ADCY9: variants seen among roughly 807,000 people sequenced by gnomAD.
ADCY9 encodes adenylate cyclase type 9.
A neutral mutation model predicts 101.5 loss-of-function variants in ADCY9; 50 were observed. That is an observed-to-expected ratio of 0.49 (90% CI 0.39 to 0.62). The LOEUF is 0.62. ADCY9 is among the 20% of genes least tolerant of loss of function. ADCY9 has a pLI of 0.00. For synonymous variants in ADCY9, 905 were observed against 769.3 expected (o/e 1.18, Z -2.92); for missense variants, 1,662 against 1,800.4 (o/e 0.92, Z 1.39).
chr16:3,973,789 G>C (rs953782557), intron 10 of ADCY9, among the ~76,000 whole-genome samples: 1 of 151,976 alleles, frequency 6.6e-6, no homozygotes, highest in Admixed American at 6.6e-5. Flanking sequence ...CACCGAGCCC[G>C]GTCCTTTTCT....
rs2055980774 is a variant in ADCY9, at chr16:3,965,405, A to G, written c.*370T>C. 7.7e-6 allele frequency: 2 copies of G among 259,474 alleles called. No homozygotes were observed. The highest frequency in any genetic ancestry group is 4.5e-5 in the African/African-American group (2 of 44,886). 16.1% of individuals were successfully genotyped at this position (259,474 alleles called of 1,614,324 possible). ...TAGTGTCTCGTGGGACGTGGGAAAA[A>G]GCAATAAAAATGAGATCTTAACCAC... On this transcript the variant is annotated 3_prime_UTR_variant, in exon 11 of 11. Transcript: ENST00000294016.
chr16:3,977,607 G>T lies in ADCY9; in HGVS notation c.2703C>A (p.Ala901=), dbSNP rs374557206. ...AGTAGTGCACGACGGCAATCAGCGCGGCCGAGCCTGTGAACACTGGGAACT... is the reference window on the plus strand; with the variant it reads ...AGTAGTGCACGACGGCAATCAGCGCTGCCGAGCCTGTGAACACTGGGAACT... ...NIHFPVFTGS[A]ALIAVVHYCN... Residue 901 remains alanine, a synonymous_variant, in exon 9 of 11, where the codon GCC becomes GCA. Coordinates refer to ENST00000294016, the MANE Select transcript of ADCY9 (RefSeq NM_001116.4). 1.8e-5 allele frequency: 29 copies of T among 1,612,440 alleles called. No homozygotes were observed. The highest frequency in any genetic ancestry group is 2.4e-5 in the Non-Finnish European group (28 of 1,179,728).
chr16:3,971,202 C>A (rs1452714753), intron 10 of ADCY9, among the ~76,000 whole-genome samples: 1 of 152,082 alleles, frequency 6.6e-6, no homozygotes, highest in East Asian at 1.9e-4. Context: ...CAGCATGTTA[C>A]AAGTGTTGTC....
rs534423411 is a variant in ADCY9 at position 4,112,865 on chromosome 16, G to A, written c.1693+885C>T. Among the ~76,000 whole-genome samples the A allele has an allele frequency of 4.8e-4, 73 of 151,984 alleles. 2 individuals carry two copies. Among genetic ancestry groups the A allele is most frequent in the South Asian group, 4.2e-4 (2 of 4,810 alleles). On this transcript the variant is annotated intron_variant, in intron 2 of 10. Coordinates refer to ENST00000294016, the MANE Select transcript of ADCY9 (RefSeq NM_001116.4). ...AGATTACTTAAAATCTTTCTTTTTC[G>A]TCCTACTTATTTTAATATCATTTTC...
intron 2 of ADCY9, among the ~76,000 whole-genome samples, chr16:4,008,927 C>T (rs533529225): frequency 7.9e-5 from 12 of 152,116 alleles, no homozygotes; most frequent in African/African-American, 1.2e-4. Context: ...CATCGAGAGG[C>T]GACGTGTCTA....
chr16:4,108,056 C>T (rs1397164523), intron 2 of ADCY9, among the ~76,000 whole-genome samples: 1 of 152,162 alleles, frequency 6.6e-6, no homozygotes, highest in African/African-American at 2.4e-5. Flanking sequence ...GTGATCACTC[C>T]CTGGTATTCC....
chr16:4,052,368 GA>G (rs2056707226), intron 2 of ADCY9, among the ~76,000 whole-genome samples: 1 of 152,126 alleles, frequency 6.6e-6, no homozygotes, highest in African/African-American at 2.4e-5. Context: ...GGCTATCCGG[GA>G]CAGCGTCCTT....
At chr16:4,049,976 A>G (rs988896157) in intron 2 of ADCY9, among the ~76,000 whole-genome samples, 2 of 151,098 alleles carry the variant, frequency 1.3e-5, no homozygotes, top group Non-Finnish European at 3.0e-5. Context: ...GGCTGCAGTG[A>G]GCCGAGATCA....
intron 5 of ADCY9, among the ~76,000 whole-genome samples, chr16:3,954,934 G>C (rs905920236): frequency 1.3e-5 from 2 of 152,112 alleles, no homozygotes; most frequent in African/African-American, 2.4e-5. Flanking sequence ...TAGCGTACTA[G>C]AACATGCTAG....
At chr16:4,081,525 G>A (rs757007926) in intron 2 of ADCY9, among the ~76,000 whole-genome samples, 7 of 152,234 alleles carry the variant, frequency 4.6e-5, no homozygotes, top group Admixed American at 2.0e-4. Context: ...GACTATTAAA[G>A]AAATAAATCT....
At chr16:4,085,023 G>A (rs2056928659) in intron 2 of ADCY9, among the ~76,000 whole-genome samples, 1 of 152,110 alleles carries the variant, frequency 6.6e-6, no homozygotes, top group Non-Finnish European at 1.5e-5. Context: ...GGTATAAACA[G>A]TGCTGAGTGG....
chr16:4,044,760 G>C (rs1597187959), intron 2 of ADCY9, among the ~76,000 whole-genome samples: 2 of 152,142 alleles, frequency 1.3e-5, no homozygotes, highest in South Asian at 2.1e-4. Flanking sequence ...TCTACATGTA[G>C]AGCCTGCATC....
intron 2 of ADCY9, among the ~76,000 whole-genome samples, chr16:4,112,262 A>G (rs1390532988): frequency 6.6e-6 from 1 of 152,236 alleles, no homozygotes; most frequent in Non-Finnish European, 1.5e-5. Flanking sequence ...AAGTGAACAG[A>G]AAGTGTAGTT....
intron 2 of ADCY9, among the ~76,000 whole-genome samples, chr16:4,027,877 CAAA>C (rs1230088772): frequency 1.1e-5 from 1 of 94,550 alleles, no homozygotes; most frequent in Non-Finnish European, 2.3e-5. Flanking sequence ...AATTCCGTTT[CAAA>C]AAAAAAAAAA....
chr16:4,082,434 A>G (rs1286199294), intron 2 of ADCY9, among the ~76,000 whole-genome samples: 1 of 152,152 alleles, frequency 6.6e-6, no homozygotes, highest in African/African-American at 2.4e-5. Flanking sequence ...CCACTAATGC[A>G]TTGCATCCCT....
intron 2 of ADCY9, among the ~76,000 whole-genome samples, chr16:4,105,394 G>A (rs572949197): frequency 5.3e-5 from 8 of 152,024 alleles, no homozygotes; most frequent in African/African-American, 1.2e-4. Flanking sequence ...AAATTAGGCC[G>A]GGCATGGTGG....
chr16:3,991,198 G>A (rs1018137174), intron 5 of ADCY9, among the ~76,000 whole-genome samples: 1 of 152,302 alleles, frequency 6.6e-6, no homozygotes, highest in South Asian at 2.1e-4. Context: ...ATATGTACAA[G>A]ATCTTCAAGT....
At position 3,988,452 on chromosome 16, in the gene ADCY9, G is replaced by C. The variant is rs1267684866; in HGVS notation, c.2310+542C>G. 3.4e-5 allele frequency among the ~76,000 whole-genome samples: 5 copies of C among 147,142 alleles called. 1 individual carries two copies. The highest frequency in any genetic ancestry group is 7.5e-5 in the African/African-American group (3 of 40,106). ...GAGTTCCCTTCCAGGGCAGGTGGGG[G>C]GTTCCCTTCCAGGGCAGGTGTGGGG... On this transcript the variant is annotated intron_variant, in intron 6 of 10. Coordinates refer to ENST00000294016, the MANE Select transcript of ADCY9 (RefSeq NM_001116.4).
At chr16:4,018,786 A>T (rs1052071175) in intron 2 of ADCY9, among the ~76,000 whole-genome samples, 1 of 152,176 alleles carries the variant, frequency 6.6e-6, no homozygotes, top group Non-Finnish European at 1.5e-5. Flanking sequence ...TACAGAGCAC[A>T]TGCAGACTTG....
Sources: gnomAD v4.1 joint callset for allele counts (sites outside exome capture counted in the v4.1 genomes callset) on GRCh38, gnomAD v4.1.1 for gene constraint, MANE v1.5 for transcripts, NCBI Gene and HGNC (gene_info 2026-07-23, HGNC 2026-07-21) for gene names.